CHCHD6: variants seen among roughly 807,000 people sequenced by gnomAD.
CHCHD6 encodes coiled-coil-helix-coiled-coil-helix domain containing 6, also known as MICOS complex subunit MIC25.
A neutral mutation model predicts 32.3 loss-of-function variants in CHCHD6; 28 were observed. The ratio of observed to expected loss-of-function variants is 0.87; its 90% CI spans 0.64 to 1.19. CHCHD6 has a LOEUF of 1.19. CHCHD6 is among the 50% of genes most tolerant of loss of function. The pLI is 0.00. For synonymous variants in CHCHD6, 122 were observed against 117.5 expected (o/e 1.04, Z -0.25); for missense variants, 333 against 307.0 (o/e 1.08, Z -0.63).
chr3:126,783,824 A>C (rs2107682176), intron 4 of CHCHD6, among the ~76,000 whole-genome samples: 1 of 152,210 alleles, frequency 6.6e-6, no homozygotes, highest in South Asian at 2.1e-4. Flanking sequence ...ATGATCAGGC[A>C]TGCAGGCCTG....
chr3:126,836,587 A>G (rs1241466836), intron 4 of CHCHD6, among the ~76,000 whole-genome samples: 2 of 152,172 alleles, frequency 1.3e-5, no homozygotes, highest in Non-Finnish European at 1.5e-5. Flanking sequence ...TCCTGGTTCC[A>G]CAAGCATTCA....
chr3:126,843,064 A>G (rs1433173307), intron 4 of CHCHD6, among the ~76,000 whole-genome samples: 1 of 152,126 alleles, frequency 6.6e-6, no homozygotes, highest in Non-Finnish European at 1.5e-5. Flanking sequence ...TTTTTTTGGT[A>G]CGTGTCCTTC....
intron 4 of CHCHD6, among the ~76,000 whole-genome samples, chr3:126,740,720 T>C (rs1936256503): frequency 6.6e-6 from 1 of 152,158 alleles, no homozygotes; most frequent in Admixed American, 6.5e-5. Flanking sequence ...GTTTAGAGAA[T>C]TGGAATAATT....
intron 5 of CHCHD6, among the ~76,000 whole-genome samples, chr3:126,853,231 T>G (rs1436275253): frequency 6.7e-6 from 1 of 150,264 alleles, no homozygotes; most frequent in East Asian, 1.9e-4. Context: ...TGAATGAGAT[T>G]TAAAAACATA....
At chr3:126,822,848 CTCTT>C (rs1940210247) in intron 4 of CHCHD6, among the ~76,000 whole-genome samples, 2 of 151,970 alleles carry the variant, frequency 1.3e-5, no homozygotes, top group African/African-American at 2.4e-5. Flanking sequence ...GTTAGTAACA[CTCTT>C]TATTAATTAT....
chr3:126,943,672 C>T (rs1206507458), intron 6 of CHCHD6, among the ~76,000 whole-genome samples: 6 of 152,060 alleles, frequency 3.9e-5, no homozygotes, highest in African/African-American at 7.3e-5. Flanking sequence ...GATGGGGTAG[C>T]GAGGTAGGGC....
intron 5 of CHCHD6, among the ~76,000 whole-genome samples, chr3:126,855,908 A>G (rs1229013766): frequency 6.6e-6 from 1 of 152,214 alleles, no homozygotes; most frequent in Non-Finnish European, 1.5e-5. Flanking sequence ...GAGAACCGCA[A>G]GGTCCCATGG....
At chr3:126,707,261 TAAAAA>T (rs74269416) in intron 1 of CHCHD6, among the ~76,000 whole-genome samples, 1 of 135,420 alleles carries the variant, frequency 7.4e-6, no homozygotes. Context: ...GACTCCGTCT[TAAAAA>T]AAAAAAAAAA....
intron 7 of CHCHD6, among the ~76,000 whole-genome samples, chr3:126,958,392 C>G (rs763177868): frequency 6.6e-6 from 1 of 152,208 alleles, no homozygotes; most frequent in Non-Finnish European, 1.5e-5. Flanking sequence ...GACGAGGTCT[C>G]CTTTCCCACG....
At chr3:126,871,999 A>C (rs1289011319) in intron 5 of CHCHD6, among the ~76,000 whole-genome samples, 1 of 151,976 alleles carries the variant, frequency 6.6e-6, no homozygotes, top group Non-Finnish European at 1.5e-5. Flanking sequence ...CCATCATTGT[A>C]TTTCTCAGAA....
At chr3:126,756,029 TG>T (rs1936944106) in intron 4 of CHCHD6, among the ~76,000 whole-genome samples, 1 of 152,146 alleles carries the variant, frequency 6.6e-6, no homozygotes, top group Admixed American at 6.5e-5. Context: ...GGCCGTGCAG[TG>T]GGTCTGTGCA....
In CHCHD6 at chr3:126,960,367, G is replaced by A. The variant is rs1387379004; in HGVS notation, c.*166G>A. Reference sequence around the variant, plus strand: ...GGAAACAAAGTATGCGCTACTGTCTGAAAACAAATAAAGCAGATGCCTTTG... The same window carrying A: ...GGAAACAAAGTATGCGCTACTGTCTAAAAACAAATAAAGCAGATGCCTTTG... On this transcript the variant is annotated 3_prime_UTR_variant, in exon 8 of 8. Coordinates refer to ENST00000290913, the MANE Select transcript of CHCHD6 (RefSeq NM_032343.3). The A allele has an allele frequency of 1.3e-6, 1 of 744,516 alleles. No individual in the cohort carries two copies. The highest frequency in any genetic ancestry group is 2.2e-6 in the Non-Finnish European group (1 of 446,298). The allele number at this position is 744,516 out of a possible 1,614,324, so 46.1% of individuals were successfully genotyped here.
At chr3:126,808,775 A>G (rs955194858) in intron 4 of CHCHD6, among the ~76,000 whole-genome samples, 5 of 152,162 alleles carry the variant, frequency 3.3e-5, no homozygotes, top group Non-Finnish European at 4.4e-5. Flanking sequence ...ACTCTCCCCA[A>G]GTTGCCCTCG....
At chr3:126,816,570 A>G (rs1044176129) in intron 4 of CHCHD6, among the ~76,000 whole-genome samples, 2 of 152,158 alleles carry the variant, frequency 1.3e-5, no homozygotes, top group Admixed American at 6.5e-5. Flanking sequence ...GAGGGACTAC[A>G]GCCTGAAAGC....
In CHCHD6 at chr3:126,943,150, C is replaced by T. The variant is rs569316305; in HGVS notation, c.567-14266C>T. Among the ~76,000 whole-genome samples, 219 of 152,304 alleles carry T rather than the reference C, an allele frequency of 1.4e-3. 1 individual carries two copies. The highest frequency in any genetic ancestry group is 2.4e-3 in the Non-Finnish European group (166 of 68,024). On this transcript the variant is annotated intron_variant, in intron 6 of 7. Transcript: ENST00000290913. The stretch of plus-strand genomic sequence containing the variant: ...TTCAGCTGCCACGTCCCCTCCTGGA[C>T]CCCACCGGCTGCCTTAGCTGCAAGC...
chr3:126,956,671 G>A (rs1031813344), intron 6 of CHCHD6, among the ~76,000 whole-genome samples: 5 of 151,938 alleles, frequency 3.3e-5, no homozygotes, highest in Non-Finnish European at 2.9e-5. Context: ...CGCTCAGGAG[G>A]CTGGGCCAGT....
chr3:126,914,006 C>A (rs571261369), intron 5 of CHCHD6, among the ~76,000 whole-genome samples: 27 of 152,342 alleles, frequency 1.8e-4, no homozygotes, highest in African/African-American at 6.5e-4. Context: ...ACCGGGTGAT[C>A]TCAGGACAAA....
chr3:126,828,340 G>A (rs1364727605), intron 4 of CHCHD6, among the ~76,000 whole-genome samples: 2 of 152,228 alleles, frequency 1.3e-5, no homozygotes, highest in East Asian at 3.8e-4. Flanking sequence ...CTTCAGTGCT[G>A]TACTCCATGT....
At chr3:126,905,396 A>G (rs1369604883) in intron 5 of CHCHD6, among the ~76,000 whole-genome samples, 1 of 152,178 alleles carries the variant, frequency 6.6e-6, no homozygotes, top group Non-Finnish European at 1.5e-5. Flanking sequence ...TCTTGGGTAG[A>G]TAGGGAAGAA....
Sources: gnomAD v4.1 joint callset for allele counts (sites outside exome capture counted in the v4.1 genomes callset) on GRCh38, gnomAD v4.1.1 for gene constraint, MANE v1.5 for transcripts, NCBI Gene and HGNC (gene_info 2026-07-23, HGNC 2026-07-21) for gene names.